The following FOCAD variants were observed in gnomAD, a reference collection of about 807,000 sequenced individuals.
The protein encoded by FOCAD is focadhesin.
A neutral mutation model predicts 225.6 loss-of-function variants in FOCAD; 198 were observed. The observed-to-expected ratio is 0.88, with a 90% CI of 0.78 to 0.99. The LOEUF is 0.99. Ranked by LOEUF, FOCAD falls within the 50% of genes least tolerant of loss-of-function variation. The pLI is 0.00. For synonymous variants in FOCAD, 897 were observed against 755.0 expected (o/e 1.19, Z -3.08); for missense variants, 2,713 against 2,123.6 (o/e 1.28, Z -5.46).
chr9:20,931,918 A>AG (rs1835512929), intron 27 of FOCAD, among the ~76,000 whole-genome samples: 3 of 150,052 alleles, frequency 2.0e-5, no homozygotes, highest in African/African-American at 5.0e-5. Flanking sequence ...AAAAAAAAAA[A>AG]AGGGGGGGAG....
intron 1 of FOCAD, among the ~76,000 whole-genome samples, chr9:20,685,336 A>G (rs10117816): frequency 0.21 from 32,629 of 151,920 alleles, 3,816 homozygotes; most frequent in African/African-American, 0.31. Context: ...GATTAGTATA[A>G]TTTTGAGATT....
chr9:20,956,309 T>G (rs1380038317), intron 35 of FOCAD, among the ~76,000 whole-genome samples: 1 of 152,222 alleles, frequency 6.6e-6, no homozygotes, highest in Non-Finnish European at 1.5e-5. Flanking sequence ...CAAGGTTATG[T>G]GTGATTTTTG....
rs561538571 is a variant in FOCAD, at chr9:20,746,351, A to C, written c.392+6011A>C. The stretch of plus-strand genomic sequence containing the variant: ...GTGGCTGGAGTTTAGTGCTCTAGGG[A>C]GGGGAGGCCGGGACATTGGCTCAGG... On this transcript the variant is annotated intron_variant, in intron 5 of 43. Transcript: ENST00000338382. Among the ~76,000 whole-genome samples the C allele has an allele frequency of 5.3e-5, 8 of 152,250 alleles. No homozygotes were observed. The South Asian group carries it at 1.0e-3, about 20-fold the overall frequency.
At chr9:20,914,921 G>A (rs1246535451) in intron 23 of FOCAD, among the ~76,000 whole-genome samples, 4 of 152,134 alleles carry the variant, frequency 2.6e-5, no homozygotes, top group Non-Finnish European at 5.9e-5. Flanking sequence ...AATTGATTTT[G>A]AATCTATTTT....
chr9:20,944,515 G>C (rs1836983621), intron 28 of FOCAD, 112 bp from the exon 29 acceptor site: 9 of 1,203,848 alleles, frequency 7.5e-6, no homozygotes, highest in African/African-American at 4.5e-5. Flanking sequence ...AGCAGAATTT[G>C]AATCCAGCCA....
At position 20,688,252 on chromosome 9, in the gene FOCAD, C is replaced by T. The variant is rs117211727; in HGVS notation, c.-33+3959C>T. On this transcript the variant is annotated intron_variant, in intron 1 of 43. Transcript: ENST00000338382. ...TGTAGTGGGGTAAGGCAGACATTTG[C>T]ATTACATGTGACAGAACTCCGAAAA... Among the ~76,000 whole-genome samples, 1,021 of 152,206 alleles carry T rather than the reference C, an allele frequency of 6.7e-3. 2 individuals carry two copies. The highest frequency in any genetic ancestry group is 0.01 in the Non-Finnish European group (699 of 68,008).
chr9:20,787,403 G>T (rs1320386966), intron 10 of FOCAD, among the ~76,000 whole-genome samples: 1 of 152,220 alleles, frequency 6.6e-6, no homozygotes, highest in East Asian at 1.9e-4. Flanking sequence ...GTAAAGAGAG[G>T]CTTAGAAAAA....
chr9:20,872,275 C>A (rs1345345935), intron 18 of FOCAD, among the ~76,000 whole-genome samples: 2 of 152,052 alleles, frequency 1.3e-5, no homozygotes, highest in Non-Finnish European at 2.9e-5. Context: ...TCTTTAGTGG[C>A]TCTTAAAAAT....
At chr9:20,919,183 G>C (rs766592192) in intron 24 of FOCAD, among the ~76,000 whole-genome samples, 4 of 152,236 alleles carry the variant, frequency 2.6e-5, no homozygotes, top group Non-Finnish European at 5.9e-5. Context: ...GACAAACAGA[G>C]AGCCACATCA....
chr9:20,717,675 T>G, intron 2 of FOCAD, 119 bp from the exon 3 acceptor site: 3 of 717,882 alleles, frequency 4.2e-6, no homozygotes, highest in Non-Finnish European at 6.9e-6. Flanking sequence ...AGCACACACT[T>G]AGTTAATGGG....
rs555984210 is a variant in FOCAD at position 20,794,746 on chromosome 9, A to G, written c.1455+5138A>G. 2.0e-5 allele frequency among the ~76,000 whole-genome samples: 3 copies of G among 152,358 alleles called. No homozygotes were observed. The South Asian group carries it at 6.2e-4, about 32-fold the overall frequency. On this transcript the variant is annotated intron_variant, in intron 11 of 43. Transcript: ENST00000338382. ...TATTGACCTTAGATTTCTCATTAATAGCACACTGGGTATTGGAATACCATT... is the reference window on the plus strand; with the variant it reads ...TATTGACCTTAGATTTCTCATTAATGGCACACTGGGTATTGGAATACCATT...
intron 23 of FOCAD, among the ~76,000 whole-genome samples, chr9:20,913,361 C>T (rs1386202833): frequency 6.6e-6 from 1 of 152,090 alleles, no homozygotes; most frequent in Non-Finnish European, 1.5e-5. Context: ...TTCCCCAAGA[C>T]ATAATTATTA....
Position 20,882,070 on chromosome 9 carries a change from A to C in FOCAD, c.2503+14A>C, listed in dbSNP as rs954841807. On this transcript the variant is annotated intron_variant, in intron 20 of 43. Coordinates refer to ENST00000338382, the MANE Select transcript of FOCAD (RefSeq NM_001375567.1). ...CTGGCCTTGCAGGTAAGGGTAGTACATAGTATCAAAAATACAGGTTTTTCA... is the reference window on the plus strand; with the variant it reads ...CTGGCCTTGCAGGTAAGGGTAGTACCTAGTATCAAAAATACAGGTTTTTCA... 4 of 1,590,238 alleles carry C rather than the reference A, an allele frequency of 2.5e-6. No individual in the cohort carries two copies. Among genetic ancestry groups the C allele is most frequent in the Admixed American group, 1.9e-5 (1 of 53,562 alleles).
At chr9:20,756,637 G>T (rs1027383035) in intron 5 of FOCAD, among the ~76,000 whole-genome samples, 1 of 152,162 alleles carries the variant, frequency 6.6e-6, no homozygotes, top group Non-Finnish European at 1.5e-5. Context: ...CTTTATAGCA[G>T]TGCATCAGAA....
At chr9:20,852,167 AT>A (rs1341366955) in intron 15 of FOCAD, among the ~76,000 whole-genome samples, 20 of 151,752 alleles carry the variant, frequency 1.3e-4, no homozygotes, top group Non-Finnish European at 3.0e-5. Flanking sequence ...TGGGGGAACC[AT>A]TTTTGTTGTG....
chr9:20,826,649 G>A (rs1369944678), intron 15 of FOCAD, among the ~76,000 whole-genome samples: 1 of 152,058 alleles, frequency 6.6e-6, no homozygotes, highest in Non-Finnish European at 1.5e-5. Context: ...AGTACCTAGT[G>A]TGAATTTGGA....
At chr9:20,728,310 C>T (rs1440273096) in intron 4 of FOCAD, among the ~76,000 whole-genome samples, 1 of 152,110 alleles carries the variant, frequency 6.6e-6, no homozygotes, top group Admixed American at 6.5e-5. Context: ...TGGATAGACC[C>T]AAGTCTAAAC....
intron 24 of FOCAD, among the ~76,000 whole-genome samples, chr9:20,920,842 T>C (rs896409034): frequency 1.3e-5 from 2 of 150,880 alleles, no homozygotes; most frequent in African/African-American, 4.9e-5. Flanking sequence ...AGGGATAGCA[T>C]TAGGAGATAT....
intron 29 of FOCAD, among the ~76,000 whole-genome samples, chr9:20,946,173 T>C (rs1837160194): frequency 6.6e-6 from 1 of 152,220 alleles, no homozygotes; most frequent in African/African-American, 2.4e-5. Context: ...TTAGTATTCC[T>C]ATTTTATACA....
Sources: gnomAD v4.1 joint callset for allele counts (sites outside exome capture counted in the v4.1 genomes callset) on GRCh38, gnomAD v4.1.1 for gene constraint, MANE v1.5 for transcripts, NCBI Gene and HGNC (gene_info 2026-07-23, HGNC 2026-07-21) for gene names.